Variants in LMO7 observed in about 807,000 individuals in gnomAD.
The protein encoded by LMO7 is LIM domain only protein 7.
In LMO7, 120 loss-of-function variants were observed where a neutral mutation model predicts 206.5. That is an observed-to-expected ratio of 0.58 (90% CI 0.50 to 0.68). LMO7 has a LOEUF of 0.68. Among genes scored for constraint, LMO7 ranks in the 30% least tolerant of loss-of-function variants. LMO7 has a pLI of 0.00. For synonymous variants in LMO7, 706 were observed against 681.5 expected (o/e 1.04, Z -0.56); for missense variants, 1,959 against 1,957.9 (o/e 1.00, Z -0.01).
intron 1 of LMO7, among the ~76,000 whole-genome samples, chr13:75,658,376 T>C (rs1026928612): frequency 6.6e-6 from 1 of 152,146 alleles, no homozygotes; most frequent in East Asian, 1.9e-4. Flanking sequence ...TTGTTGAAAT[T>C]TTAGATCAGT....
intron 1 of LMO7, among the ~76,000 whole-genome samples, chr13:75,653,295 G>A (rs2037754912): frequency 1.3e-5 from 2 of 152,178 alleles, no homozygotes; most frequent in Non-Finnish European, 2.9e-5. Context: ...AATTGCTCAA[G>A]GCAGAGGAAG....
Position 75,853,492 on chromosome 13 carries a change from G to A in LMO7, c.4661+104G>A, listed in dbSNP as rs1174532611. 9 of 1,125,404 alleles carry A rather than the reference G, an allele frequency of 8.0e-6. No homozygotes were observed. The South Asian group carries it at 1.0e-4, about 13-fold the overall frequency. The allele number at this position is 1,125,404 out of a possible 1,614,324, so 69.7% of individuals were successfully genotyped here. On this transcript the variant is annotated intron_variant, in intron 28 of 30. Transcript: ENST00000377534. ...GTTTTCCAATGAAGAAGAAAAAGAA[G>A]CCCTTTTGAATGTGTCAAATTTGGT...
At chr13:75,629,037 T>C (rs761731421) in intron 2 of LMO7, among the ~76,000 whole-genome samples, 7 of 152,226 alleles carry the variant, frequency 4.6e-5, no homozygotes, top group Non-Finnish European at 7.3e-5. Flanking sequence ...TTTTTGGTTA[T>C]TACTTCTACT....
chr13:75,815,122 G>C (rs1438788918), intron 11 of LMO7, among the ~76,000 whole-genome samples: 2 of 152,200 alleles, frequency 1.3e-5, no homozygotes, highest in African/African-American at 4.8e-5. Flanking sequence ...GTAGGAAGGG[G>C]TGGAAGCAGG....
chr13:75,792,003 T>C lies in LMO7; in HGVS notation c.318-3398T>C, dbSNP rs565780371. On this transcript the variant is annotated intron_variant, in intron 4 of 30. Transcript: ENST00000377534. ...CTTTTCTTGAGAGAGGGTCTCGCTT[T>C]GTCACCCAGCCTGGAGTGCAGTGGT... 2.0e-5 allele frequency among the ~76,000 whole-genome samples: 3 copies of C among 152,104 alleles called. No individual in the cohort carries two copies. The East Asian group carries it at 5.8e-4, about 29-fold the overall frequency.
In LMO7 at chr13:75,858,051, AAAAG is replaced by A. The variant is rs374225262; in HGVS notation, c.*111_*114del. 1,140 of 1,378,520 alleles carry A rather than the reference AAAAG, an allele frequency of 8.3e-4. 6 individuals are homozygous for A. The African/African-American group carries it at 0.015, about 18-fold the overall frequency. 85.4% of individuals were successfully genotyped at this position (1,378,520 alleles called of 1,614,324 possible). ...TGTCTTTTTTGCTTTTTTTTTAAAA[AAAAG>A]AATAACTTTTTTTGCCTCTTTAGAT... On this transcript the variant is annotated 3_prime_UTR_variant, in exon 31 of 31. Transcript: ENST00000377534.
At chr13:75,844,656 G>A (rs763410605) in intron 25 of LMO7, among the ~76,000 whole-genome samples, 1 of 151,886 alleles carries the variant, frequency 6.6e-6, no homozygotes, top group Non-Finnish European at 1.5e-5. Context: ...TGATCCTCCC[G>A]CCTCAGCCTC....
At chr13:75,742,180 A>G (rs2046471009) in intron 3 of LMO7, among the ~76,000 whole-genome samples, 1 of 152,194 alleles carries the variant, frequency 6.6e-6, no homozygotes. Context: ...GACGTGAAAG[A>G]TCTCTACAAT....
intron 3 of LMO7, among the ~76,000 whole-genome samples, chr13:75,752,146 A>T (rs539514): frequency 0.61 from 93,208 of 151,678 alleles, 29,825 homozygotes; most frequent in East Asian, 0.97. Context: ...TATTATTATT[A>T]TTTTTGACAG....
chr13:75,709,872 T>C lies in LMO7; in HGVS notation c.70-3310T>C, dbSNP rs1473953341. ...GGTGTTTTAGACATGAAGTCCTTGC[T>C]GATGCCTATGTCCTGAATGGTATTG... is the stretch of plus-strand genomic sequence containing the variant. On this transcript the variant is annotated intron_variant, in intron 1 of 30. Coordinates refer to ENST00000377534, the MANE Select transcript of LMO7 (RefSeq NM_001306080.2). Among the ~76,000 whole-genome samples, 653 of 152,098 alleles carry C rather than the reference T, an allele frequency of 4.3e-3. 1 individual carries two copies. The highest frequency in any genetic ancestry group is 0.014 in the African/African-American group (566 of 41,384).
chr13:75,636,939 C>T (rs898168986), intron 1 of LMO7, among the ~76,000 whole-genome samples: 15 of 152,328 alleles, frequency 9.8e-5, no homozygotes, highest in African/African-American at 2.6e-4. Context: ...CTGCCCTAAC[C>T]CCCGCCCCCC....
intron 2 of LMO7, among the ~76,000 whole-genome samples, chr13:75,722,546 T>A (rs904056428): frequency 6.6e-6 from 1 of 151,036 alleles, no homozygotes; most frequent in Non-Finnish European, 1.5e-5. Flanking sequence ...AAAAAAAAAA[T>A]AGTTGTTGGT....
In LMO7 at chr13:75,636,383, C is replaced by T; in HGVS notation, c.-275C>T. Reference sequence around the variant, plus strand: ...CTGCCGCTGGGCACCCGCTTCGCTTCCCGCGTCCTGCCTGACTGCCCGGGT... The same window carrying T: ...CTGCCGCTGGGCACCCGCTTCGCTTTCCGCGTCCTGCCTGACTGCCCGGGT... On this transcript the variant is annotated 5_prime_UTR_variant, in exon 1 of 31. Coordinates refer to ENST00000377534, the MANE Select transcript of LMO7 (RefSeq NM_001306080.2). 6 of 1,284,748 alleles carry T rather than the reference C, an allele frequency of 4.7e-6. No individual in the cohort carries two copies. The highest frequency in any genetic ancestry group is 5.9e-6 in the Non-Finnish European group (6 of 1,014,510). The allele number at this position is 1,284,748 out of a possible 1,614,324, so 79.6% of individuals were successfully genotyped here. A position where few individuals can be genotyped will look rare whatever the true frequency, so the allele number is the denominator to read the frequency against.
At chr13:75,795,824 G>A (rs1386346908) in intron 5 of LMO7, among the ~76,000 whole-genome samples, 1 of 152,158 alleles carries the variant, frequency 6.6e-6, no homozygotes, top group Non-Finnish European at 1.5e-5. Flanking sequence ...GTCAGGTGAT[G>A]GAGGGAAGGA....
intron 1 of LMO7, among the ~76,000 whole-genome samples, chr13:75,694,324 TTTGTC>T (rs2041737152): frequency 6.6e-6 from 1 of 152,138 alleles, no homozygotes; most frequent in African/African-American, 2.4e-5. Flanking sequence ...TCTGGGTTCT[TTTGTC>T]TAGGTAAAAC....
At chr13:75,649,209 G>T (rs906417396) in intron 1 of LMO7, among the ~76,000 whole-genome samples, 1 of 152,170 alleles carries the variant, frequency 6.6e-6, no homozygotes, top group Non-Finnish European at 1.5e-5. Context: ...TTTTAAAAAT[G>T]TCCCATCAGA....
At chr13:75,734,598 A>T (rs1252341255) in intron 3 of LMO7, among the ~76,000 whole-genome samples, 2 of 152,232 alleles carry the variant, frequency 1.3e-5, no homozygotes, top group Non-Finnish European at 2.9e-5. Flanking sequence ...TAAATTCTTG[A>T]TAAGGGTGTT....
intron 3 of LMO7, among the ~76,000 whole-genome samples, chr13:75,755,704 G>A (rs1442513438): frequency 2.0e-5 from 3 of 152,104 alleles, no homozygotes; most frequent in Non-Finnish European, 4.4e-5. Flanking sequence ...TTTTTGACTG[G>A]TCTGTATTCT....
intron 1 of LMO7, among the ~76,000 whole-genome samples, chr13:75,686,205 T>G (rs192324622): frequency 6.6e-5 from 10 of 152,218 alleles, no homozygotes; most frequent in Non-Finnish European, 1.2e-4. Context: ...TACCCAAGAC[T>G]TGGCAATTTC....
Sources: allele counts gnomAD v4.1 joint callset (sites outside exome capture counted in the v4.1 genomes callset), GRCh38; gene constraint gnomAD v4.1.1; transcripts MANE v1.5; gene names NCBI Gene and HGNC (gene_info 2026-07-23, HGNC 2026-07-21).